Variants in QRICH1 observed in about 807,000 individuals in gnomAD.
The protein encoded by QRICH1 is transcriptional regulator QRICH1.
In QRICH1, 16 loss-of-function variants were observed where a neutral mutation model predicts 87.1. That is an observed-to-expected ratio of 0.18 (90% confidence interval 0.12 to 0.28). The LOEUF (loss-of-function observed/expected upper bound fraction) is 0.28, where lower values mean the gene tolerates loss of function less well. QRICH1 is among the 10% of genes least tolerant of loss of function. The probability of loss-of-function intolerance (pLI) is 1.00; values close to 1 mark genes in which losing one functional copy is unlikely to be tolerated. For missense variants in QRICH1, 647 were observed against 951.7 expected (o/e 0.68, Z 4.21); for synonymous variants, 367 against 368.4 (o/e 1.00, Z 0.05).
chr3:49,058,451 G>C (rs765555486), intron 2 of QRICH1, among the ~76,000 whole-genome samples: 1 of 151,606 alleles, frequency 6.6e-6, no homozygotes, highest in Non-Finnish European at 1.5e-5. Flanking sequence ...CCAGCCTCCC[G>C]AGTATCTGGG....
At chr3:49,060,614 G>A (rs1280513586) in intron 2 of QRICH1, among the ~76,000 whole-genome samples, 2 of 152,150 alleles carry the variant, frequency 1.3e-5, no homozygotes, top group African/African-American at 4.8e-5. Flanking sequence ...ATAGGCGTGA[G>A]CCACCATACC....
intron 6 of QRICH1, among the ~76,000 whole-genome samples, chr3:49,042,913 C>T (rs1327186669): frequency 6.6e-6 from 1 of 152,062 alleles, no homozygotes. Context: ...TTCTATATGA[C>T]ACCATGATGG....
At chr3:49,082,846 G>C (rs2042088796) in intron 1 of QRICH1, among the ~76,000 whole-genome samples, 1 of 145,358 alleles carries the variant, frequency 6.9e-6, no homozygotes, top group South Asian at 2.2e-4. Flanking sequence ...AGTGAGCCGA[G>C]ACCACACCAC....
At chr3:49,076,059 T>C (rs982013148) in intron 2 of QRICH1, among the ~76,000 whole-genome samples, 7 of 151,912 alleles carry the variant, frequency 4.6e-5, no homozygotes, top group East Asian at 1.9e-4. Context: ...CTGGCCAACA[T>C]AGTGAAACCC....
chr3:49,089,065 TC>T (rs2042224141), intron 1 of QRICH1, among the ~76,000 whole-genome samples: 1 of 151,822 alleles, frequency 6.6e-6, no homozygotes, highest in Admixed American at 6.6e-5. Context: ...TTTTTTCTTT[TC>T]TTTTTTTTTT....
At position 49,057,339 on chromosome 3, in the gene QRICH1, C is replaced by A; in HGVS notation, c.861G>T (p.Leu287=). The A allele has an allele frequency of 6.2e-7, 1 of 1,614,218 alleles. No homozygotes were observed. Among genetic ancestry groups the A allele is most frequent in the Non-Finnish European group, 8.5e-7 (1 of 1,180,036 alleles). ...TGTACAGGTGGGCACTGTCTACTGTCAGTAAGTCTGGCCTCAAAGACACAT... is the reference window on the plus strand; with the variant it reads ...TGTACAGGTGGGCACTGTCTACTGTAAGTAAGTCTGGCCTCAAAGACACAT... ...QSYVSLRPDL[L]TVDSAHLYSA... Residue 287 remains leucine, a synonymous_variant, in exon 3 of 10, where the codon CTG becomes CTT. Transcript: ENST00000395443. The surrounding 1 kb of genome is among the most constrained non-coding windows in gnomAD (Gnocchi z 5.4).
rs576547425 is a variant in QRICH1, at chr3:49,078,334, T to C, written c.-21-1296A>G. ...TAGCTCACCCATGGTAGTTGCTTCA[T>C]ATATACCTGCTGCATTTGAAATTCA... On this transcript the variant is annotated intron_variant, in intron 1 of 9. Transcript: ENST00000395443. Among the ~76,000 whole-genome samples, 18 of 150,998 alleles carry C rather than the reference T, an allele frequency of 1.2e-4. No homozygotes were observed. In the East Asian group the frequency reaches 3.5e-3, roughly 30 times the overall value.
At chr3:49,036,844 C>T (rs2093277979) in intron 6 of QRICH1, among the ~76,000 whole-genome samples, 1 of 151,962 alleles carries the variant, frequency 6.6e-6, no homozygotes, top group South Asian at 2.1e-4. Context: ...GTGCGGAATG[C>T]CTAAGCTCAG....
chr3:49,056,280 G>GT (rs1195100465), intron 3 of QRICH1, among the ~76,000 whole-genome samples: 1 of 152,096 alleles, frequency 6.6e-6, no homozygotes, highest in African/African-American at 2.4e-5. Context: ...GGCCGCCCCC[G>GT]TAACACAAAA....
intron 3 of QRICH1, among the ~76,000 whole-genome samples, chr3:49,052,080 A>C (rs1313264984): frequency 2.0e-5 from 3 of 152,192 alleles, no homozygotes; most frequent in Non-Finnish European, 4.4e-5. Flanking sequence ...TCTATGAAGA[A>C]TAAATTGAAG....
intron 2 of QRICH1, among the ~76,000 whole-genome samples, chr3:49,065,802 T>C (rs961652042): frequency 6.6e-6 from 1 of 151,984 alleles, no homozygotes; most frequent in African/African-American, 2.4e-5. Flanking sequence ...TGCCTCAGCC[T>C]CTCAAGTAGC....
At chr3:49,084,338 C>A (rs2042127819) in intron 1 of QRICH1, among the ~76,000 whole-genome samples, 1 of 151,702 alleles carries the variant, frequency 6.6e-6, no homozygotes, top group African/African-American at 2.4e-5. Flanking sequence ...TCACTGAAAC[C>A]TCCGCCTCCT....
Position 49,056,985 on chromosome 3 carries a change from C to T in QRICH1, c.1215G>A (p.Thr405=), listed in dbSNP as rs574247130. 3.7e-6 allele frequency: 6 copies of T among 1,614,148 alleles called. No individual in the cohort carries two copies. The highest frequency in any genetic ancestry group is 2.7e-5 in the African/African-American group (2 of 75,032). ...IPVAVQAVAG[T]YQNTAQTVHI... Reference sequence around the variant, plus strand: ...GGACAGTTTGAGCCGTATTCTGGTACGTGCCTGCCACAGCCTGCACAGCCA... The same window carrying T: ...GGACAGTTTGAGCCGTATTCTGGTATGTGCCTGCCACAGCCTGCACAGCCA... Residue 405 remains threonine, a synonymous_variant, in exon 3 of 10, where the codon ACG becomes ACA. Transcript: ENST00000395443.
At chr3:49,043,570 T>C (rs1359938719) in intron 6 of QRICH1, among the ~76,000 whole-genome samples, 1 of 146,716 alleles carries the variant, frequency 6.8e-6, no homozygotes, top group African/African-American at 2.5e-5. Context: ...GGCTCACGCC[T>C]GTAATCCCAG....
chr3:49,080,966 CAAAAAAAAAAA>C (rs34230924), intron 1 of QRICH1, among the ~76,000 whole-genome samples: 3 of 24,798 alleles, frequency 1.2e-4, no homozygotes, highest in Admixed American at 6.3e-4. Context: ...AACTCCATCT[CAAAAAAAAAAA>C]AAAAAAAAAA....
At chr3:49,088,044 C>T (rs62262514) in intron 1 of QRICH1, among the ~76,000 whole-genome samples, 3,066 of 150,820 alleles carry the variant, frequency 0.02, 50 homozygotes, top group Non-Finnish European at 0.033. Flanking sequence ...CTCTGTCTCC[C>T]GGGTTCACGC....
intron 2 of QRICH1, among the ~76,000 whole-genome samples, chr3:49,072,057 G>T (rs995497515): frequency 6.6e-6 from 1 of 152,212 alleles, no homozygotes; most frequent in East Asian, 1.9e-4. Flanking sequence ...AAGGCTGGGC[G>T]TGGTGGCTCA....
At chr3:49,094,328 T>C (rs918277001), upstream of QRICH1, 16 of 320,608 alleles carry the variant, frequency 5.0e-5, no homozygotes, top group East Asian at 3.8e-4. Context: ...GCTAGCTCTT[T>C]GGACCCACCT....
intron 1 of QRICH1, among the ~76,000 whole-genome samples, chr3:49,091,242 AAAAAG>A (rs1413961696): frequency 8.5e-5 from 13 of 152,190 alleles, no homozygotes; most frequent in Admixed American, 5.2e-4. Context: ...TAATAAAAAT[AAAAAG>A]AAAAGAACAG....
Sources: allele counts gnomAD v4.1 joint callset (sites outside exome capture counted in the v4.1 genomes callset), GRCh38; gene constraint gnomAD v4.1.1; non-coding constraint Gnocchi (gnomAD v3.1); transcripts MANE v1.5; gene names NCBI Gene and HGNC (gene_info 2026-07-23, HGNC 2026-07-21).